The following SORBS2 variants were observed in gnomAD, a reference collection of about 807,000 sequenced individuals.
The protein encoded by SORBS2 is sorbin and SH3 domain-containing protein 2.
A neutral mutation model predicts 97.7 loss-of-function variants in SORBS2; 46 were observed. That is an observed-to-expected ratio of 0.47 (90% CI 0.37 to 0.60). The LOEUF is 0.60. Ranked by LOEUF, SORBS2 falls within the 20% of genes least tolerant of loss-of-function variation. The probability of loss-of-function intolerance (pLI) is 0.00; values close to 1 mark genes in which losing one functional copy is unlikely to be tolerated. For synonymous variants in SORBS2, 476 were observed against 473.4 expected (o/e 1.01, Z -0.07); for missense variants, 1,316 against 1,282.3 (o/e 1.03, Z -0.40).
intron 1 of SORBS2, among the ~76,000 whole-genome samples, chr4:185,790,414 C>T (rs1239880791): frequency 6.6e-6 from 1 of 152,176 alleles, no homozygotes; most frequent in East Asian, 1.9e-4. Context: ...ATGATAACCA[C>T]CCTGGCTCTA....
chr4:185,762,594 A>G (rs1468727395), intron 2 of SORBS2, among the ~76,000 whole-genome samples: 1 of 152,222 alleles, frequency 6.6e-6, no homozygotes, highest in East Asian at 1.9e-4. Context: ...AAAGGGGAAC[A>G]GATTTCATGA....
At chr4:185,594,935 G>A (rs1382407275) in intron 12 of SORBS2, among the ~76,000 whole-genome samples, 1 of 152,182 alleles carries the variant, frequency 6.6e-6, no homozygotes, top group Non-Finnish European at 1.5e-5. Context: ...ATAGCTATTA[G>A]ATCCATGTCC....
intron 1 of SORBS2, among the ~76,000 whole-genome samples, chr4:185,899,456 G>T (rs1478195835): frequency 6.6e-6 from 1 of 151,984 alleles, no homozygotes; most frequent in Non-Finnish European, 1.5e-5. Context: ...TTAAGAGACA[G>T]GGTCTCACTC....
chr4:185,706,235 T>C (rs1455178400), intron 2 of SORBS2, among the ~76,000 whole-genome samples: 1 of 152,192 alleles, frequency 6.6e-6, no homozygotes, highest in Non-Finnish European at 1.5e-5. Context: ...TGACTTGTGA[T>C]TTTTGTTTTT....
At chr4:185,784,830 C>A (rs1220538875) in intron 1 of SORBS2, among the ~76,000 whole-genome samples, 1 of 152,174 alleles carries the variant, frequency 6.6e-6, no homozygotes, top group Non-Finnish European at 1.5e-5. Context: ...AGTCTCCGGC[C>A]CATTATCATT....
At chr4:185,907,874 CT>C (rs552274845) in intron 1 of SORBS2, among the ~76,000 whole-genome samples, 163 of 152,214 alleles carry the variant, frequency 1.1e-3, no homozygotes, top group African/African-American at 3.8e-3. Context: ...TAGACCTATG[CT>C]TTGTCTTGGT....
At chr4:185,603,625 G>T (rs2096328755) in intron 12 of SORBS2, among the ~76,000 whole-genome samples, 1 of 152,278 alleles carries the variant, frequency 6.6e-6, no homozygotes, top group East Asian at 1.9e-4. Flanking sequence ...ATGTGAGGGT[G>T]AGCTATTGTT....
chr4:185,608,021 A>C (rs780001290), intron 12 of SORBS2, among the ~76,000 whole-genome samples: 72 of 152,218 alleles, frequency 4.7e-4, no homozygotes, highest in Admixed American at 1.3e-3. Context: ...CTTACTTTAA[A>C]CTATGTTGAA....
At chr4:185,678,869 G>A in intron 2 of SORBS2, 47 bp from the exon 6 acceptor site, 4 of 1,145,906 alleles carry the variant, frequency 3.5e-6, no homozygotes, top group Non-Finnish European at 4.8e-6. Flanking sequence ...TGAAATAAAT[G>A]AACAACCCAG....
rs754789298 is a variant in SORBS2 at position 185,649,510 on chromosome 4, G to C, written c.238C>G (p.Pro80Ala). Residue 80 changes from proline (P) to alanine (A), a missense_variant, in exon 3 of 15, where the codon CCA (proline) becomes GCA (alanine). Pro to Ala is a conservative substitution (Grantham distance 27, BLOSUM62 -1). Transcript: ENST00000418609. ...TCTCTTGGTCGAAGCGGCGGGACTG[G>C]AGGTGGAACATGTGGGGGAGGCACT... 2.3e-5 allele frequency: 37 copies of C among 1,602,666 alleles called. No homozygotes were observed. The South Asian group carries it at 3.5e-4, about 15-fold the overall frequency.
intron 9 of SORBS2, among the ~76,000 whole-genome samples, chr4:185,617,700 C>G (rs192367560): frequency 3.1e-4 from 47 of 152,172 alleles, no homozygotes; most frequent in Non-Finnish European, 4.4e-5. Flanking sequence ...TATGTGCTTC[C>G]GCAACCACAT....
At chr4:185,752,377 G>A (rs1424981259) in intron 2 of SORBS2, among the ~76,000 whole-genome samples, 4 of 152,098 alleles carry the variant, frequency 2.6e-5, no homozygotes, top group East Asian at 1.9e-4. Context: ...CCGGGTTCGC[G>A]CCATTCTCCT....
intron 2 of SORBS2, among the ~76,000 whole-genome samples, chr4:185,750,992 A>T (rs1423242139): frequency 6.6e-6 from 1 of 151,946 alleles, no homozygotes; most frequent in Non-Finnish European, 1.5e-5. Context: ...GATCCAAAAA[A>T]AATTTACAAT....
intron 7 of SORBS2, among the ~76,000 whole-genome samples, chr4:185,622,286 G>A (rs2096730802): frequency 6.6e-6 from 1 of 152,178 alleles, no homozygotes; most frequent in Admixed American, 6.5e-5. Context: ...TAATGGAAAA[G>A]AGAAAATGAA....
At chr4:185,647,327 G>A (rs1047931154) in intron 3 of SORBS2, among the ~76,000 whole-genome samples, 16 of 151,832 alleles carry the variant, frequency 1.1e-4, no homozygotes, top group Non-Finnish European at 2.1e-4. Flanking sequence ...CCAAGAGGCT[G>A]TCAGAAGACT....
chr4:185,775,278 G>A (rs1054683110), exon 2 of SORBS2: 2 of 152,642 alleles, frequency 1.3e-5, no homozygotes, highest in Non-Finnish European at 2.9e-5. Context: ...GTAGGAGTCA[G>A]TGGCCTTTTA....
chr4:185,729,713 A>T (rs1321836475), intron 2 of SORBS2, among the ~76,000 whole-genome samples: 2 of 152,206 alleles, frequency 1.3e-5, no homozygotes, highest in African/African-American at 4.8e-5. Context: ...CAGATTCCAG[A>T]TGGTTCTGCC....
At chr4:185,735,746 T>C (rs1463213355) in intron 2 of SORBS2, among the ~76,000 whole-genome samples, 1 of 152,138 alleles carries the variant, frequency 6.6e-6, no homozygotes, top group African/African-American at 2.4e-5. Context: ...CCTTAGTCCA[T>C]GATGAATTAA....
intron 2 of SORBS2, among the ~76,000 whole-genome samples, chr4:185,751,190 A>AAAAAAAAAAAAAAAAGAG: frequency 9.2e-5 from 8 of 86,502 alleles, no homozygotes; most frequent in African/African-American, 2.0e-4. Flanking sequence ...AAAAAAAAAA[A>AAAAAAAAAAAAAAAAGAG]AGAGAAAGAG....
Sources: allele counts gnomAD v4.1 joint callset (sites outside exome capture counted in the v4.1 genomes callset), GRCh38; gene constraint gnomAD v4.1.1; transcripts MANE v1.5; gene names NCBI Gene and HGNC (gene_info 2026-07-23, HGNC 2026-07-21).